ADARB1: variants seen among roughly 807,000 people sequenced by gnomAD.
ADARB1 encodes the protein double-stranded RNA-specific editase 1.
Under a neutral mutation model 52.4 loss-of-function variants are expected in ADARB1, and 10 were observed. That is an observed-to-expected ratio of 0.19 (90% CI 0.12 to 0.32). ADARB1 has a LOEUF of 0.32. Ranked by LOEUF, ADARB1 falls within the 10% of genes least tolerant of loss-of-function variation. The pLI, the probability that ADARB1 is intolerant of heterozygous loss-of-function variation, is 1.00. For synonymous variants in ADARB1, 349 were observed against 371.1 expected, an observed-to-expected ratio of 0.94 and a Z score of 0.68; for missense variants, 643 against 922.3, an observed-to-expected ratio of 0.70 and a Z score of 3.92.
At chr21:45,190,104 C>T (rs112192410) in intron 8 of ADARB1, among the ~76,000 whole-genome samples, 27 of 152,060 alleles carry the variant, frequency 1.8e-4, no homozygotes, top group African/African-American at 5.8e-4. Context: ...GATAGTGTTC[C>T]GTAAGTCCCT....
intron 1 of ADARB1, among the ~76,000 whole-genome samples, chr21:45,125,377 G>C (rs1373977133): frequency 6.6e-6 from 1 of 152,240 alleles, no homozygotes; most frequent in East Asian, 1.9e-4. Context: ...TGTATGAGAA[G>C]GCTTCTTCAG....
At position 45,123,550 on chromosome 21, in the gene ADARB1, C is replaced by T. The variant is rs543874627; in HGVS notation, c.-219-4852C>T. On this transcript the variant is annotated intron_variant, in intron 1 of 10. Coordinates refer to ENST00000348831, the MANE Select transcript of ADARB1 (RefSeq NM_001112.4). ...GAACTCTTGGGCTCAAGCGATCCTTCCGCCTCTGTCTCCCAAAGTGCTGGG... is the reference window on the plus strand; with the variant it reads ...GAACTCTTGGGCTCAAGCGATCCTTTCGCCTCTGTCTCCCAAAGTGCTGGG... Among the ~76,000 whole-genome samples, 5 of 152,330 alleles carry T rather than the reference C, an allele frequency of 3.3e-5. No homozygotes were observed. The East Asian group carries it at 7.7e-4, about 23-fold the overall frequency.
At chr21:45,093,495 T>C (rs2086639122) in intron 1 of ADARB1, among the ~76,000 whole-genome samples, 1 of 152,208 alleles carries the variant, frequency 6.6e-6, no homozygotes, top group Non-Finnish European at 1.5e-5. Context: ...CAGCTGCTGT[T>C]CTCTGACTTG....
chr21:45,223,244 C>T lies in ADARB1; in HGVS notation c.*1047C>T. 1.0e-6 allele frequency: 1 copy of T among 985,476 alleles called. No homozygotes were observed. Among genetic ancestry groups the T allele is most frequent in the South Asian group, 4.7e-5 (1 of 21,294 alleles). 61.0% of individuals were successfully genotyped at this position (985,476 alleles called of 1,614,324 possible). A position where few individuals can be genotyped will look rare whatever the true frequency, so the allele number is the denominator to read the frequency against. ...CATAGTTTTAAATTATTGTTTCCAG[C>T]TTTATCAAAGACATGTTTGAAAAAT... On this transcript the variant is annotated 3_prime_UTR_variant, in exon 11 of 11. Coordinates refer to ENST00000348831, the MANE Select transcript of ADARB1 (RefSeq NM_001112.4).
Position 45,221,507 on chromosome 21 carries a change from A to G in ADARB1, c.1926+493A>G, listed in dbSNP as rs770352018. ...TGTATTCTTCAGTCAAGTAGATGGCATCTGTTTATTCTGAGACCAGCATTG... is the reference window on the plus strand; with the variant it reads ...TGTATTCTTCAGTCAAGTAGATGGCGTCTGTTTATTCTGAGACCAGCATTG... On this transcript the variant is annotated intron_variant, in intron 10 of 10. Coordinates refer to ENST00000348831, the MANE Select transcript of ADARB1 (RefSeq NM_001112.4). The surrounding 1 kb of genome is among the most constrained non-coding windows in gnomAD (Gnocchi z 4.9). 6.6e-6 allele frequency among the ~76,000 whole-genome samples: 1 copy of G among 152,174 alleles called. No homozygotes were observed. The highest frequency in any genetic ancestry group is 1.5e-5 in the Non-Finnish European group (1 of 68,036).
At chr21:45,151,185 AG>A (rs886373722) in intron 2 of ADARB1, among the ~76,000 whole-genome samples, 3 of 152,142 alleles carry the variant, frequency 2.0e-5, no homozygotes, top group African/African-American at 7.2e-5. Flanking sequence ...ACAAAGTGTC[AG>A]GGGTGGCTGA....
intron 1 of ADARB1, among the ~76,000 whole-genome samples, chr21:45,106,371 C>T (rs1314969368): frequency 6.6e-6 from 1 of 152,160 alleles, no homozygotes; most frequent in African/African-American, 2.4e-5. Context: ...TAGCCTTGCT[C>T]TCAGTGTGTT....
Position 45,221,956 on chromosome 21 carries a change from T to C in ADARB1, c.1927-62T>C. On this transcript the variant is annotated intron_variant, in intron 10 of 10. Coordinates refer to ENST00000348831, the MANE Select transcript of ADARB1 (RefSeq NM_001112.4). This position sits in a 1 kb window ranked among gnomAD's most constrained non-coding sequence, Gnocchi z 4.9. ...TGAAGGCCATGTTTTGGTATCTTAT[T>C]AGGTGTTGTTTTCATCTGTTACAGC... 2 of 1,544,288 alleles carry C rather than the reference T, an allele frequency of 1.3e-6. No individual in the cohort carries two copies. The highest frequency in any genetic ancestry group is 1.8e-6 in the Non-Finnish European group (2 of 1,125,322).
At chr21:45,205,277 A>G in intron 9 of ADARB1, among the ~76,000 whole-genome samples, 1 of 144,954 alleles carries the variant, frequency 6.9e-6, no homozygotes, top group Non-Finnish European at 1.5e-5. Flanking sequence ...AAAGAAAGAA[A>G]GAAAGAAAGA....
Position 45,224,081 on chromosome 21 carries a change from G to A in ADARB1, c.*1884G>A. On this transcript the variant is annotated 3_prime_UTR_variant, in exon 11 of 11. Transcript: ENST00000348831. ...GTTGTCGCTGGCTTTCCCCCAAGCA[G>A]GCTCTTGCACACTCTAGAAAAAACA... The A allele has an allele frequency of 1.0e-6, 1 of 985,456 alleles. No individual in the cohort carries two copies. Among genetic ancestry groups the A allele is most frequent in the Non-Finnish European group, 1.2e-6 (1 of 829,972 alleles). 61.0% of individuals were successfully genotyped at this position (985,456 alleles called of 1,614,324 possible).
At chr21:45,089,856 C>G (rs752881830) in intron 1 of ADARB1, among the ~76,000 whole-genome samples, 11 of 152,192 alleles carry the variant, frequency 7.2e-5, no homozygotes, top group Non-Finnish European at 1.5e-4. Context: ...CTCATGTTTT[C>G]TAGATGGAGG....
intron 8 of ADARB1, among the ~76,000 whole-genome samples, chr21:45,199,746 C>G (rs2092508707): frequency 6.6e-6 from 1 of 152,100 alleles, no homozygotes; most frequent in Non-Finnish European, 1.5e-5. Flanking sequence ...AAAAGAAAAG[C>G]CACATATTGG....
chr21:45,133,864 G>C (rs1446319716), intron 2 of ADARB1, among the ~76,000 whole-genome samples: 25 of 111,924 alleles, frequency 2.2e-4, no homozygotes, highest in African/African-American at 7.6e-4. Flanking sequence ...TGCGCCCGAC[G>C]GGGGTGTGTG....
chr21:45,096,889 G>A (rs1045741893), intron 1 of ADARB1, among the ~76,000 whole-genome samples: 1 of 152,178 alleles, frequency 6.6e-6, no homozygotes, highest in African/African-American at 2.4e-5. Flanking sequence ...ACAGGCGCCT[G>A]CCACCACGCC....
At position 45,132,138 on chromosome 21, in the gene ADARB1, T is replaced by C. The variant is rs572491584; in HGVS notation, c.-48+3565T>C. The stretch of plus-strand genomic sequence containing the variant: ...GTATCTAAATATTCCAAAAGATTAC[T>C]GAAATTTTAAAGTAAAAATTTGGCC... On this transcript the variant is annotated intron_variant, in intron 2 of 10. Transcript: ENST00000348831. 2.6e-5 allele frequency: 4 copies of C among 152,396 alleles called. No individual in the cohort carries two copies. In the South Asian group the frequency reaches 8.3e-4, roughly 32 times the overall value. 9.4% of individuals were successfully genotyped at this position (152,396 alleles called of 1,614,324 possible).
chr21:45,147,580 G>T (rs930783787), intron 2 of ADARB1, among the ~76,000 whole-genome samples: 2 of 152,168 alleles, frequency 1.3e-5, no homozygotes, highest in Non-Finnish European at 2.9e-5. Flanking sequence ...TTTTCCACAC[G>T]CCTCTTTTAC....
rs118138832 is a variant in ADARB1 at position 45,221,732 on chromosome 21, G to A, written c.1927-286G>A. On this transcript the variant is annotated intron_variant, in intron 10 of 10. Transcript: ENST00000348831. This position sits in a 1 kb window ranked among gnomAD's most constrained non-coding sequence, Gnocchi z 4.9. ...TGCTTCTTAGAGTTAAAAATGAAAC[G>A]TGAATCCACTATTGGTGGTTTCCCA... Among the ~76,000 whole-genome samples, 233 of 152,244 alleles carry A rather than the reference G, an allele frequency of 1.5e-3. No individual in the cohort carries two copies. Among genetic ancestry groups the A allele is most frequent in the Middle Eastern group, 3.4e-3 (1 of 292 alleles).
At chr21:45,093,823 C>T (rs2086652188) in intron 1 of ADARB1, among the ~76,000 whole-genome samples, 1 of 152,168 alleles carries the variant, frequency 6.6e-6, no homozygotes, top group Admixed American at 6.5e-5. Flanking sequence ...TAATTTCAGG[C>T]AAATGTCTCT....
chr21:45,182,841 T>C, intron 6 of ADARB1, 88 bp downstream of exon 6: 2 of 1,236,252 alleles, frequency 1.6e-6, no homozygotes, highest in Non-Finnish European at 1.1e-6. Flanking sequence ...TCATTGTTTC[T>C]GTAATCATGG....
Sources: allele counts gnomAD v4.1 joint callset (sites outside exome capture counted in the v4.1 genomes callset), GRCh38; gene constraint gnomAD v4.1.1; non-coding constraint Gnocchi (gnomAD v3.1); transcripts MANE v1.5; gene names NCBI Gene and HGNC (gene_info 2026-07-23, HGNC 2026-07-21).